The following MXRA8 variants were observed in gnomAD, a reference collection of about 807,000 sequenced individuals.
The protein encoded by MXRA8 is matrix remodeling associated 8, also known as matrix remodeling-associated protein 8.
MXRA8 carries 44 observed loss-of-function variants against 51.4 expected under a neutral mutation model. The ratio of observed to expected loss-of-function variants is 0.86; its 90% CI spans 0.67 to 1.10. The LOEUF is 1.10. Ranked by LOEUF, MXRA8 falls within the 50% of genes least tolerant of loss-of-function variation. MXRA8 has a pLI of 0.00. For missense variants in MXRA8, 765 were observed against 638.9 expected (o/e 1.20, Z -2.13); for synonymous variants, 369 against 293.5 (o/e 1.26, Z -2.63).
At position 1,352,992 on chromosome 1, in the gene MXRA8, C is replaced by T. The variant is rs917763202; in HGVS notation, c.*612G>A. 16 of 512,886 alleles carry T rather than the reference C, an allele frequency of 3.1e-5. No homozygotes were observed. The highest frequency in any genetic ancestry group is 3.7e-5 in the Admixed American group (1 of 27,282). 31.8% of individuals were successfully genotyped at this position (512,886 alleles called of 1,614,324 possible). On this transcript the variant is annotated 3_prime_UTR_variant, in exon 10 of 10. Coordinates refer to ENST00000309212, the MANE Select transcript of MXRA8 (RefSeq NM_032348.4). Reference sequence around the variant, plus strand: ...GGGTGCAGCCCCAGGTGGCCCAAAGCAACACAGAGGAGCAAGGGCTGGCAT... The same window carrying T: ...GGGTGCAGCCCCAGGTGGCCCAAAGTAACACAGAGGAGCAAGGGCTGGCAT...
chr1:1,356,766 C>CA, intron 1 of MXRA8, 62 bp from the exon 2 acceptor site: 1 of 1,317,738 alleles, frequency 7.6e-7, no homozygotes, highest in Non-Finnish European at 9.8e-7. Flanking sequence ...CGAGACCCCC[C>CA]ACTTGGCCCC....
chr1:1,356,752 GC>G, intron 1 of MXRA8, 48 bp from the exon 2 acceptor site: 1 of 1,194,490 alleles, frequency 8.4e-7, no homozygotes, highest in Non-Finnish European at 1.1e-6. Flanking sequence ...GCCCCACCCA[GC>G]CCCGAGACCC....
At chr1:1,357,385 C>G (rs1011573115) in intron 1 of MXRA8, among the ~76,000 whole-genome samples, 1 of 152,172 alleles carries the variant, frequency 6.6e-6, no homozygotes, top group Non-Finnish European at 1.5e-5. Context: ...ACGCACTGTC[C>G]CCTGGTGACC....
At chr1:1,358,967 T>A, upstream of MXRA8, 2 of 985,266 alleles carry the variant, frequency 2.0e-6, no homozygotes, top group Middle Eastern at 5.2e-4. Flanking sequence ...CAGAAAGGCC[T>A]CCCAGCGCTG....
At position 1,353,180 on chromosome 1, in the gene MXRA8, C is replaced by T; in HGVS notation, c.*424G>A. Reference sequence around the variant, plus strand: ...GCCAAGTTCTGATGGGAGTGTCCTCCTCCAGGAACATCTCCCAGCCCCCGA... The same window carrying T: ...GCCAAGTTCTGATGGGAGTGTCCTCTTCCAGGAACATCTCCCAGCCCCCGA... On this transcript the variant is annotated 3_prime_UTR_variant, in exon 10 of 10. Coordinates refer to ENST00000309212, the MANE Select transcript of MXRA8 (RefSeq NM_032348.4). The T allele has an allele frequency of 9.0e-7, 1 of 1,107,044 alleles. No homozygotes were observed. The highest frequency in any genetic ancestry group is 2.1e-5 in the Admixed American group (1 of 46,636). The allele number at this position is 1,107,044 out of a possible 1,614,324, so 68.6% of individuals were successfully genotyped here.
In MXRA8 at chr1:1,353,486, C is replaced by A; in HGVS notation, c.*118G>T. On this transcript the variant is annotated 3_prime_UTR_variant, in exon 10 of 10. Transcript: ENST00000309212. ...CCTCTGCATACGCCCAGGCCAAATT[C>A]CAGGAAAGCGGGACCAGCCGCTGGA... 1.3e-6 allele frequency: 2 copies of A among 1,505,176 alleles called. No individual in the cohort carries two copies. The highest frequency in any genetic ancestry group is 2.3e-5 in the Admixed American group (1 of 43,572). 93.2% of individuals were successfully genotyped at this position (1,505,176 alleles called of 1,614,324 possible). A position where few individuals can be genotyped will look rare whatever the true frequency, so the allele number is the denominator to read the frequency against.
chr1:1,357,088 C>T (rs1289682081), intron 1 of MXRA8, among the ~76,000 whole-genome samples: 1 of 152,146 alleles, frequency 6.6e-6, no homozygotes, highest in East Asian at 1.9e-4. Flanking sequence ...CCCCGAGGGT[C>T]CTTGGACCCT....
rs1644032465 is a variant in MXRA8 at position 1,352,946 on chromosome 1, A to G, written c.*658T>C. Reference sequence around the variant, plus strand: ...GGCTGAGAGCAAGGCTAGGGTAGGGATGGGGCAGAGAAAGGGCAAGGGGTG... The same window carrying G: ...GGCTGAGAGCAAGGCTAGGGTAGGGGTGGGGCAGAGAAAGGGCAAGGGGTG... On this transcript the variant is annotated 3_prime_UTR_variant, in exon 10 of 10. Coordinates refer to ENST00000309212, the MANE Select transcript of MXRA8 (RefSeq NM_032348.4). 1 of 410,696 alleles carries G rather than the reference A, an allele frequency of 2.4e-6. No individual in the cohort carries two copies. Among genetic ancestry groups the G allele is most frequent in the Admixed American group, 4.3e-5 (1 of 23,048 alleles). The allele number at this position is 410,696 out of a possible 1,614,324, so 25.4% of individuals were successfully genotyped here.
At chr1:1,355,373 G>T in intron 3 of MXRA8, 28 bp from the exon 4 acceptor site, 1 of 1,557,716 alleles carries the variant, frequency 6.4e-7, no homozygotes. Context: ...AGCCGCGCGT[G>T]AGCCTTGCGG....
At chr1:1,357,710 C>T (rs1056855299) in intron 1 of MXRA8, among the ~76,000 whole-genome samples, 4 of 152,076 alleles carry the variant, frequency 2.6e-5, no homozygotes, top group African/African-American at 7.2e-5. Context: ...CTTGGGAGGC[C>T]GAGGCAAGAA....
chr1:1,355,233 G>GA lies in MXRA8; in HGVS notation c.478+10dup, dbSNP rs1644099194. 2 of 1,539,430 alleles carry GA rather than the reference G, an allele frequency of 1.3e-6. No individual in the cohort carries two copies. The highest frequency in any genetic ancestry group is 1.7e-6 in the Non-Finnish European group (2 of 1,147,680). ...GGGGCGGGAGCTGGGGGGCGGGGGG[G>GA]AAGCACTCACGGCCGTCGGTGACCT... On this transcript the variant is annotated intron_variant, in intron 4 of 9. Coordinates refer to ENST00000309212, the MANE Select transcript of MXRA8 (RefSeq NM_032348.4).
chr1:1,362,470 AT>A (rs1020117717), upstream of MXRA8, among the ~76,000 whole-genome samples: 5 of 149,952 alleles, frequency 3.3e-5, no homozygotes, highest in African/African-American at 9.8e-5. Flanking sequence ...ACCTTCTGTA[AT>A]TTTTTTTTTT....
Position 1,355,700 on chromosome 1 carries a change from C to A in MXRA8, c.126G>T (p.Val42=), listed in dbSNP as rs1444783616. 28 of 1,339,912 alleles carry A rather than the reference C, an allele frequency of 2.1e-5. No homozygotes were observed. The highest frequency in any genetic ancestry group is 4.0e-5 in the Admixed American group (1 of 25,086). The allele number at this position is 1,339,912 out of a possible 1,614,324, so 83.0% of individuals were successfully genotyped here. The change falls in exon 3 of 10, where the codon GTG becomes GTT. Residue 42 remains valine, a synonymous_variant. Transcript: ENST00000309212. ...AGSSVVSESA[V]SWEAGARAVL... The stretch of plus-strand genomic sequence containing the variant: ...CCGCCCGGGCGCCCGCCTCCCAGCT[C>A]ACCGCGGACTCGGACACCACGGAGC...
At position 1,354,758 on chromosome 1, in the gene MXRA8, G is replaced by A. The variant is rs745370833; in HGVS notation, c.873C>T (p.Val291=). 11 of 1,611,376 alleles carry A rather than the reference G, an allele frequency of 6.8e-6. No homozygotes were observed. The East Asian group carries it at 2.0e-4, about 29-fold the overall frequency. ...LHERRVFHLT[V]AEPHAEPPPR... is the part of the protein sequence containing the mutation. ...GGGGCGGCTCCGCGTGGGGTTCGGC[G>A]ACCGTCAGGTGGAAGACGCGGCGTT... Residue 291 remains valine, a synonymous_variant, in exon 5 of 10, where the codon GTC becomes GTT. Coordinates refer to ENST00000309212, the MANE Select transcript of MXRA8 (RefSeq NM_032348.4).
At position 1,355,712 on chromosome 1, in the gene MXRA8, G is replaced by A. The variant is rs1207798003; in HGVS notation, c.114C>T (p.Ser38=). ...VPAAAGSSVV[S]ESAVSWEAGA... is the part of the protein sequence containing the mutation. ...CCGCCTCCCAGCTCACCGCGGACTC[G>A]GACACCACGGAGCTGCCAGCAGCGG... Residue 38 remains serine (S), a synonymous_variant, in exon 3 of 10, where the codon TCC becomes TCT. Transcript: ENST00000309212. 1.5e-6 allele frequency: 2 copies of A among 1,331,258 alleles called. No individual in the cohort carries two copies. The highest frequency in any genetic ancestry group is 1.5e-5 in the African/African-American group (1 of 64,882). 82.5% of individuals were successfully genotyped at this position (1,331,258 alleles called of 1,614,324 possible). A position where few individuals can be genotyped will look rare whatever the true frequency, so the allele number is the denominator to read the frequency against.
At chr1:1,356,160 C>T (rs1480616807) in intron 2 of MXRA8, among the ~76,000 whole-genome samples, 1 of 89,032 alleles carries the variant, frequency 1.1e-5, no homozygotes, top group Non-Finnish European at 2.2e-5. Flanking sequence ...GAGGGGCATG[C>T]CCCCTAGGGC....
intron 1 of MXRA8, among the ~76,000 whole-genome samples, chr1:1,358,031 C>T (rs1020687700): frequency 5.9e-5 from 9 of 152,162 alleles, no homozygotes; most frequent in African/African-American, 1.7e-4. Context: ...GAGATGTGGC[C>T]GAGAGCCTGG....
chr1:1,358,548 C>G lies in MXRA8; in HGVS notation c.-44G>C. On this transcript the variant is annotated 5_prime_UTR_variant, in exon 1 of 10. Coordinates refer to ENST00000309212, the MANE Select transcript of MXRA8 (RefSeq NM_032348.4). ...GGCTTTGTCCCACTCGGCTCTAAGT[C>G]TCTCTCCAGAAAAACAGCCCTACCC... The G allele has an allele frequency of 1.3e-6, 2 of 1,599,238 alleles. No homozygotes were observed. The highest frequency in any genetic ancestry group is 1.7e-6 in the Non-Finnish European group (2 of 1,172,698).
In MXRA8 at chr1:1,354,341, G is replaced by T. The variant is rs754258224; in HGVS notation, c.1105+13C>A. On this transcript the variant is annotated intron_variant, in intron 6 of 9. Transcript: ENST00000309212. ...GTCTCCTGGGGCCGCTGGCTTTGCC[G>T]GGGCAGCCTCACCTCCGCGGCGCCT... The T allele has an allele frequency of 1.2e-6, 2 of 1,607,016 alleles. No homozygotes were observed. The highest frequency in any genetic ancestry group is 1.7e-6 in the Non-Finnish European group (2 of 1,177,314).
Sources: gnomAD v4.1 joint callset for allele counts (sites outside exome capture counted in the v4.1 genomes callset) on GRCh38, gnomAD v4.1.1 for gene constraint, MANE v1.5 for transcripts, NCBI Gene and HGNC (gene_info 2026-07-23, HGNC 2026-07-21) for gene names.